The following ELAVL2 variants were observed in gnomAD, a reference collection of about 807,000 sequenced individuals.
ELAVL2 encodes ELAV like RNA binding protein 2, also known as ELAV-like protein 2.
ELAVL2 carries 4 observed loss-of-function variants against 34.6 expected under a neutral mutation model. The observed-to-expected ratio is 0.12, with a 90% CI of 0.06 to 0.26. ELAVL2 has a LOEUF of 0.26. ELAVL2 is among the 10% of genes least tolerant of loss of function. The pLI, the probability that ELAVL2 is intolerant of heterozygous loss-of-function variation, is 1.00. For synonymous variants in ELAVL2, 193 were observed against 154.8 expected (o/e 1.25, Z -1.83); for missense variants, 432 against 442.8 (o/e 0.98, Z 0.22).
At chr9:23,710,462 T>G (rs933298345) in intron 3 of ELAVL2, among the ~76,000 whole-genome samples, 1 of 152,222 alleles carries the variant, frequency 6.6e-6, no homozygotes, top group African/African-American at 2.4e-5. Context: ...CAGTGGACAT[T>G]AATACCAATA....
the ELAVL2 span, among the ~76,000 whole-genome samples, chr9:23,837,166 A>C: frequency 6.6e-6 from 1 of 152,168 alleles, no homozygotes; most frequent in Non-Finnish European, 1.5e-5. Flanking sequence ...AATGTTTCTG[A>C]GCCAATGAGC....
chr9:23,754,620 C>T (rs1456904034), intron 2 of ELAVL2, among the ~76,000 whole-genome samples: 5 of 152,006 alleles, frequency 3.3e-5, no homozygotes, highest in Admixed American at 2.0e-4. Flanking sequence ...CACCACCACA[C>T]CTGGCTAATT....
chr9:23,799,995 T>C (rs942081564), intron 1 of ELAVL2, among the ~76,000 whole-genome samples: 2 of 152,160 alleles, frequency 1.3e-5, no homozygotes, highest in African/African-American at 4.8e-5. Context: ...TCTTTCCCTA[T>C]GCAAGATTTG....
intron 3 of ELAVL2, among the ~76,000 whole-genome samples, chr9:23,711,552 A>G (rs1361146338): frequency 3.9e-5 from 6 of 152,170 alleles, no homozygotes; most frequent in Non-Finnish European, 8.8e-5. Context: ...TGTTAAAAAT[A>G]AGCTGCCCTC....
At chr9:23,804,978 T>G (rs1248937941) in intron 1 of ELAVL2, among the ~76,000 whole-genome samples, 2 of 152,184 alleles carry the variant, frequency 1.3e-5, no homozygotes, top group African/African-American at 4.8e-5. Context: ...ACATTAAATA[T>G]GAAGACAGAA....
chr9:23,792,757 T>G (rs1314902624), intron 1 of ELAVL2, among the ~76,000 whole-genome samples: 1 of 152,134 alleles, frequency 6.6e-6, no homozygotes, highest in Non-Finnish European at 1.5e-5. Context: ...TTTTATTTAC[T>G]TCCTTTTTTC....
chr9:23,782,986 C>T lies in ELAVL2; in HGVS notation c.-15-20737G>A, dbSNP rs370307886. Among the ~76,000 whole-genome samples the T allele has an allele frequency of 2.9e-4, 44 of 152,328 alleles. No homozygotes were observed. The East Asian group carries it at 8.3e-3, about 29-fold the overall frequency. The stretch of plus-strand genomic sequence containing the variant: ...TGCTCATTGTGCCTTCATCCCCTCT[C>T]CCATTTGAGAGCTCAGCTGAGTCTG... On this transcript the variant is annotated intron_variant, in intron 1 of 6. Coordinates refer to ENST00000397312, the MANE Select transcript of ELAVL2 (RefSeq NM_004432.5).
chr9:23,722,031 A>G (rs1307083885), intron 3 of ELAVL2, among the ~76,000 whole-genome samples: 2 of 152,176 alleles, frequency 1.3e-5, no homozygotes, highest in Admixed American at 6.5e-5. Flanking sequence ...GCTCTGTCTC[A>G]TTGCCCAAAA....
At chr9:23,777,679 G>T (rs2058438625) in intron 1 of ELAVL2, among the ~76,000 whole-genome samples, 1 of 152,126 alleles carries the variant, frequency 6.6e-6, no homozygotes. Flanking sequence ...TAAAACTGAA[G>T]AAAACTTCCA....
chr9:23,710,980 T>C (rs1318281077), intron 3 of ELAVL2, among the ~76,000 whole-genome samples: 2 of 152,140 alleles, frequency 1.3e-5, no homozygotes, highest in African/African-American at 4.8e-5. Flanking sequence ...TGTACTTTGA[T>C]CTGCTTCTAA....
intron 2 of ELAVL2, among the ~76,000 whole-genome samples, chr9:23,738,462 TC>T (rs2048398903): frequency 6.6e-6 from 1 of 152,140 alleles, no homozygotes; most frequent in Admixed American, 6.5e-5. Flanking sequence ...ACTGGTGAGA[TC>T]CTATTACTAC....
At chr9:23,747,144 C>G (rs2135429612) in intron 2 of ELAVL2, among the ~76,000 whole-genome samples, 2 of 151,070 alleles carry the variant, frequency 1.3e-5, no homozygotes, top group South Asian at 4.2e-4. Context: ...GTACTGAATC[C>G]AACATAATAT....
chr9:23,758,733 A>G (rs1034429974), intron 2 of ELAVL2, among the ~76,000 whole-genome samples: 1 of 152,118 alleles, frequency 6.6e-6, no homozygotes, highest in African/African-American at 2.4e-5. Flanking sequence ...AATAGGCTCT[A>G]TGATCAAATA....
intron 2 of ELAVL2, among the ~76,000 whole-genome samples, chr9:23,731,579 C>T (rs185018982): frequency 3.9e-5 from 6 of 152,278 alleles, no homozygotes; most frequent in Admixed American, 3.9e-4. Flanking sequence ...GACATATTTA[C>T]AGCCTTTACC....
chr9:23,813,025 T>C (rs3793602), intron 1 of ELAVL2, among the ~76,000 whole-genome samples: 22,715 of 152,104 alleles, frequency 0.15, 2,192 homozygotes, highest in East Asian at 0.3. Flanking sequence ...ATGTAAGTGC[T>C]TAAAGTCACC....
At chr9:23,759,107 T>A (rs1196016623) in intron 2 of ELAVL2, among the ~76,000 whole-genome samples, 4 of 151,992 alleles carry the variant, frequency 2.6e-5, no homozygotes, top group Admixed American at 2.6e-4. Context: ...TCAAAAGGGA[T>A]GCACGCATAT....
chr9:23,747,472 A>G (rs933824305), intron 2 of ELAVL2, among the ~76,000 whole-genome samples: 1 of 152,158 alleles, frequency 6.6e-6, no homozygotes, highest in East Asian at 1.9e-4. Context: ...CACCACTTGA[A>G]ATCAAGAACT....
intron 1 of ELAVL2, among the ~76,000 whole-genome samples, chr9:23,795,150 T>G (rs1196146312): frequency 6.6e-6 from 1 of 152,190 alleles, no homozygotes; most frequent in African/African-American, 2.4e-5. Context: ...TAAGTCCTTA[T>G]CTTTATAGAC....
chr9:23,767,085 T>C (rs2136184725), intron 1 of ELAVL2, among the ~76,000 whole-genome samples: 1 of 152,326 alleles, frequency 6.6e-6, no homozygotes, highest in South Asian at 2.1e-4. Context: ...TCTAGAATAT[T>C]CTAAACTTTC....
Sources: allele counts gnomAD v4.1 joint callset (sites outside exome capture counted in the v4.1 genomes callset), GRCh38; gene constraint gnomAD v4.1.1; transcripts MANE v1.5; gene names NCBI Gene and HGNC (gene_info 2026-07-23, HGNC 2026-07-21).